ASAP2: variants seen among roughly 807,000 people sequenced by gnomAD.
ASAP2 encodes arf-GAP with SH3 domain, ANK repeat and PH domain-containing protein 2.
ASAP2 carries 45 observed loss-of-function variants against 131.4 expected under a neutral mutation model. The ratio of observed to expected loss-of-function variants is 0.34; its 90% CI spans 0.27 to 0.44. ASAP2 has a LOEUF of 0.44. Ranked by LOEUF, ASAP2 falls within the 20% of genes least tolerant of loss-of-function variation. The pLI is 1.00. For synonymous variants in ASAP2, 510 were observed against 503.0 expected (o/e 1.01, Z -0.19); for missense variants, 1,011 against 1,297.0 (o/e 0.78, Z 3.39).
At chr2:9,310,394 G>A (rs1331829589) in intron 3 of ASAP2, among the ~76,000 whole-genome samples, 1 of 152,158 alleles carries the variant, frequency 6.6e-6, no homozygotes, top group East Asian at 1.9e-4. Flanking sequence ...GAAGAGAGTT[G>A]GATTCTGTTA....
chr2:9,326,786 A>G (rs1670508948), intron 6 of ASAP2, among the ~76,000 whole-genome samples: 1 of 152,222 alleles, frequency 6.6e-6, no homozygotes. Context: ...TGGATGCACC[A>G]TATGTTAATT....
At position 9,260,469 on chromosome 2, in the gene ASAP2, C is replaced by T. The variant is rs144869192; in HGVS notation, c.127-18848C>T. Among the ~76,000 whole-genome samples, 10 of 152,192 alleles carry T rather than the reference C, an allele frequency of 6.6e-5. No individual in the cohort carries two copies. The East Asian group carries it at 1.9e-3, about 29-fold the overall frequency. On this transcript the variant is annotated intron_variant, in intron 1 of 27. Coordinates refer to ENST00000281419, the MANE Select transcript of ASAP2 (RefSeq NM_003887.3). ...ATGACCAATTTTGGGGTAGGAGCTG[C>T]GGGTGGAGCGGGGCCCATGACCTCT...
intron 14 of ASAP2, among the ~76,000 whole-genome samples, chr2:9,357,457 C>T (rs944358286): frequency 6.6e-6 from 1 of 152,006 alleles, no homozygotes; most frequent in African/African-American, 2.4e-5. Flanking sequence ...CCAGCCTGGG[C>T]AACAGAACGA....
At chr2:9,373,122 G>A (rs934892374) in intron 16 of ASAP2, among the ~76,000 whole-genome samples, 1 of 152,080 alleles carries the variant, frequency 6.6e-6, no homozygotes, top group African/African-American at 2.4e-5. Context: ...GTGTGGACGG[G>A]GAGCATGTGC....
chr2:9,402,994 G>A (rs1447133159), intron 27 of ASAP2, among the ~76,000 whole-genome samples: 2 of 152,218 alleles, frequency 1.3e-5, no homozygotes, highest in Non-Finnish European at 2.9e-5. Flanking sequence ...AAGAACAGGT[G>A]GGGGTGGCCA....
chr2:9,378,017 G>T (rs965143006), intron 18 of ASAP2, among the ~76,000 whole-genome samples: 2 of 152,220 alleles, frequency 1.3e-5, no homozygotes, highest in African/African-American at 2.4e-5. Flanking sequence ...GAGAGGGAAG[G>T]TCCCAGTTTC....
chr2:9,310,340 C>A (rs1181300909), intron 3 of ASAP2, among the ~76,000 whole-genome samples: 1 of 152,206 alleles, frequency 6.6e-6, no homozygotes, highest in Non-Finnish European at 1.5e-5. Context: ...TTGTATATTA[C>A]ATGGTAACAA....
intron 2 of ASAP2, among the ~76,000 whole-genome samples, chr2:9,282,882 C>T (rs1192975008): frequency 6.6e-6 from 1 of 152,168 alleles, no homozygotes; most frequent in Non-Finnish European, 1.5e-5. Context: ...AGGCTGCTGG[C>T]CTGTCACTGC....
intron 1 of ASAP2, among the ~76,000 whole-genome samples, chr2:9,254,525 GGATT>G (rs1381786020): frequency 7.4e-5 from 6 of 81,286 alleles, no homozygotes; most frequent in South Asian, 4.6e-4. Flanking sequence ...GCTAATTTTT[GGATT>G]TTTTTTTTTT....
intron 16 of ASAP2, among the ~76,000 whole-genome samples, chr2:9,371,893 G>T (rs894962037): frequency 6.6e-6 from 1 of 152,116 alleles, no homozygotes; most frequent in African/African-American, 2.4e-5. Flanking sequence ...GAGGTGGGCG[G>T]ATCACGAGGT....
rs533205197 is a variant in ASAP2 at position 9,207,095 on chromosome 2, C to G, written c.-10C>G. ...CTGCGGCTGTGCGCCAGCGCCCTCG[C>G]GCCGAGGCGATGCCGGACCAGATCT... On this transcript the variant is annotated 5_prime_UTR_variant, in exon 1 of 28. Transcript: ENST00000281419. This position sits in a 1 kb window ranked among gnomAD's most constrained non-coding sequence, Gnocchi z 4.1. 1.2e-5 allele frequency: 19 copies of G among 1,572,404 alleles called. No individual in the cohort carries two copies. The Admixed American group carries it at 2.3e-4, about 19-fold the overall frequency.
intron 24 of ASAP2, 98 bp downstream of exon 24, chr2:9,393,745 A>C (rs1415059272): frequency 1.5e-6 from 2 of 1,301,716 alleles, no homozygotes; most frequent in South Asian, 2.9e-5. Context: ...CAGGGCTCCT[A>C]CTCCAGCGTG....
intron 1 of ASAP2, among the ~76,000 whole-genome samples, chr2:9,240,312 G>C (rs1663871926): frequency 6.7e-6 from 1 of 149,752 alleles, no homozygotes; most frequent in African/African-American, 2.5e-5. Flanking sequence ...GGAGTGCAGT[G>C]GCGCCATCAC....
At chr2:9,214,594 G>A (rs989677214) in intron 1 of ASAP2, among the ~76,000 whole-genome samples, 9 of 151,662 alleles carry the variant, frequency 5.9e-5, no homozygotes, top group African/African-American at 2.0e-4. Context: ...ACAATGTCTT[G>A]GAATAAACAG....
intron 11 of ASAP2, among the ~76,000 whole-genome samples, chr2:9,348,487 A>G (rs1672119745): frequency 6.6e-6 from 1 of 152,190 alleles, no homozygotes; most frequent in Non-Finnish European, 1.5e-5. Context: ...TTCTCCCATA[A>G]ATTTTTCTAA....
rs1157279161 is a variant in ASAP2 at position 9,254,525 on chromosome 2, GGA to G, written c.127-24791_127-24790del. Reference sequence around the variant, plus strand: ...GCACCACTACCCCCAGCTAATTTTTGGATTTTTTTTTTTTTTTTTTTTTTTTT... The same window carrying G: ...GCACCACTACCCCCAGCTAATTTTTGTTTTTTTTTTTTTTTTTTTTTTTTT... On this transcript the variant is annotated intron_variant, in intron 1 of 27. Coordinates refer to ENST00000281419, the MANE Select transcript of ASAP2 (RefSeq NM_003887.3). Among the ~76,000 whole-genome samples the G allele has an allele frequency of 6.0e-4, 49 of 81,228 alleles. 2 individuals are homozygous for G. The highest frequency in any genetic ancestry group is 1.9e-3 in the Admixed American group (12 of 6,422). The allele number at this position is 81,228 out of a possible 152,430, so 53.3% of individuals were successfully genotyped here. A position where few individuals can be genotyped will look rare whatever the true frequency, so the allele number is the denominator to read the frequency against.
intron 16 of ASAP2, among the ~76,000 whole-genome samples, chr2:9,372,075 A>C (rs2148705896): frequency 6.6e-6 from 1 of 152,284 alleles, no homozygotes; most frequent in East Asian, 1.9e-4. Context: ...CAGATGAGTA[A>C]ATACATTAAA....
At chr2:9,265,998 T>C (rs1558279883) in intron 1 of ASAP2, among the ~76,000 whole-genome samples, 1 of 150,636 alleles carries the variant, frequency 6.6e-6, no homozygotes, top group African/African-American at 2.4e-5. Context: ...GGTCTTGAAC[T>C]CCTGACCTCA....
chr2:9,243,161 T>C (rs531850444), intron 1 of ASAP2, among the ~76,000 whole-genome samples: 1 of 152,288 alleles, frequency 6.6e-6, no homozygotes, highest in South Asian at 2.1e-4. Context: ...CAGGCTGGAG[T>C]GCAGTGGCAC....
Sources: allele counts gnomAD v4.1 joint callset (sites outside exome capture counted in the v4.1 genomes callset), GRCh38; gene constraint gnomAD v4.1.1; non-coding constraint Gnocchi (gnomAD v3.1); transcripts MANE v1.5; gene names NCBI Gene and HGNC (gene_info 2026-07-23, HGNC 2026-07-21).